C13orf42: variants seen among roughly 807,000 people sequenced by gnomAD.
C13orf42 encodes the protein uncharacterized protein C13orf42.
intron 1 of C13orf42, among the ~76,000 whole-genome samples, chr13:51,169,820 G>C (rs1953932510): frequency 6.6e-6 from 1 of 152,254 alleles, no homozygotes; most frequent in Non-Finnish European, 1.5e-5. Flanking sequence ...CAGAGGATGT[G>C]TGGAAATCCT....
At chr13:51,167,196 G>A (rs1483318710) in intron 1 of C13orf42, among the ~76,000 whole-genome samples, 2 of 152,106 alleles carry the variant, frequency 1.3e-5, no homozygotes, top group Non-Finnish European at 2.9e-5. Flanking sequence ...AAACCCATCA[G>A]TAGTTTGCTG....
At position 51,170,681 on chromosome 13, in the gene C13orf42, A is replaced by G. The variant is rs1300710324; in HGVS notation, n.136+1572T>C. Among the ~76,000 whole-genome samples the G allele has an allele frequency of 2.6e-5, 4 of 152,158 alleles. No homozygotes were observed. In the East Asian group the frequency reaches 7.7e-4, roughly 29 times the overall value. ...GCAGCCTTCCCCTTGGTGTTTAATC[A>G]TTGCAGGGACACCTCTCTGATTATA... On this transcript the variant is annotated intron_variant and non_coding_transcript_variant, in intron 1 of 4. Transcript: ENST00000433280.
At chr13:51,150,816 T>C (rs1380981069) in intron 1 of C13orf42, among the ~76,000 whole-genome samples, 1 of 152,204 alleles carries the variant, frequency 6.6e-6, no homozygotes, top group Non-Finnish European at 1.5e-5. Flanking sequence ...GTAAACTGAA[T>C]TCCTTGGTTC....
rs74814188 is a variant in C13orf42, at chr13:51,168,370, T to G, written n.136+3883A>C. ...TAACTGTTGTCCCTTCTCTCTCAAT[T>G]TCAGCTGAACAAATAGTTTCTCCAA... On this transcript the variant is annotated intron_variant and non_coding_transcript_variant, in intron 1 of 4. Coordinates refer to the C13orf42 transcript ENST00000433280. 5.0e-4 allele frequency among the ~76,000 whole-genome samples: 76 copies of G among 152,322 alleles called. No individual in the cohort carries two copies. In the East Asian group the frequency reaches 0.014, roughly 27 times the overall value.
At chr13:51,172,122 C>G (rs1262995528) in intron 1 of C13orf42, 1 of 152,200 alleles carries the variant, frequency 6.6e-6, no homozygotes, top group Admixed American at 6.5e-5. Flanking sequence ...CCAGAACCTC[C>G]TCCCACAGGA....
At chr13:51,129,917 T>TC (rs1953603640) in intron 1 of C13orf42, among the ~76,000 whole-genome samples, 1 of 152,192 alleles carries the variant, frequency 6.6e-6, no homozygotes, top group Non-Finnish European at 1.5e-5. Context: ...CCTCCTGTCT[T>TC]CTATGTCCTT....
chr13:51,164,426 T>C (rs1008753622), intron 1 of C13orf42, among the ~76,000 whole-genome samples: 2 of 152,168 alleles, frequency 1.3e-5, no homozygotes, highest in Admixed American at 6.5e-5. Flanking sequence ...CTTTGGGAAG[T>C]TGACGCGGGA....
intron 1 of C13orf42, among the ~76,000 whole-genome samples, chr13:51,121,883 T>A (rs996014726): frequency 6.6e-6 from 1 of 152,186 alleles, no homozygotes; most frequent in Non-Finnish European, 1.5e-5. Context: ...TACACTTGTA[T>A]AATGGAACAC....
At chr13:51,085,199 A>G in intron 3 of C13orf42, 120 bp downstream of exon 3, 1 of 231,758 alleles carries the variant, frequency 4.3e-6, no homozygotes. Flanking sequence ...ATATATATAT[A>G]TATATATATA....
upstream of C13orf42, among the ~76,000 whole-genome samples, chr13:51,115,380 C>G (rs1236626033): frequency 1.3e-5 from 2 of 152,204 alleles, no homozygotes; most frequent in African/African-American, 2.4e-5. Flanking sequence ...ACCAGGCACC[C>G]TGTCCCTTTC....
At position 51,083,555 on chromosome 13, in the gene C13orf42, C is replaced by G. The variant is rs1162929948; in HGVS notation, c.*596G>C. 1 of 152,218 alleles carries G rather than the reference C, an allele frequency of 6.6e-6. No individual in the cohort carries two copies. Among genetic ancestry groups the G allele is most frequent in the Non-Finnish European group, 1.5e-5 (1 of 68,044 alleles). 9.4% of individuals were successfully genotyped at this position (152,218 alleles called of 1,614,324 possible). A position where few individuals can be genotyped will look rare whatever the true frequency, so the allele number is the denominator to read the frequency against. On this transcript the variant is annotated 3_prime_UTR_variant, in exon 4 of 4. Transcript: ENST00000563710. ...CAGGCAGGCTCGTGACATACCCCTT[C>G]CCTCACCCCATTGCCAGGGCATTAG...
intron 1 of C13orf42, among the ~76,000 whole-genome samples, chr13:51,117,198 C>T (rs1953498814): frequency 1.3e-5 from 2 of 152,216 alleles, no homozygotes; most frequent in African/African-American, 4.8e-5. Context: ...TAAGAATAAG[C>T]TCCAAATTAT....
At chr13:51,110,087 T>C (rs892905704) in intron 1 of C13orf42, among the ~76,000 whole-genome samples, 8 of 152,238 alleles carry the variant, frequency 5.3e-5, no homozygotes, top group Non-Finnish European at 1.0e-4. Flanking sequence ...TCCGTGTCTA[T>C]GCCTGAGCCA....
chr13:51,161,284 C>T (rs1953862372), intron 1 of C13orf42, among the ~76,000 whole-genome samples: 1 of 151,722 alleles, frequency 6.6e-6, no homozygotes, highest in South Asian at 2.1e-4. Context: ...ACTAAGTATG[C>T]TGCTAAAGTG....
chr13:51,111,688 T>A (rs140961678), upstream of C13orf42, among the ~76,000 whole-genome samples: 626 of 152,308 alleles, frequency 4.1e-3, 10 homozygotes, highest in Admixed American at 0.022. Flanking sequence ...CGGTTCTGAA[T>A]TCTCTGAATC....
At chr13:51,144,862 C>T (rs181117239) in intron 1 of C13orf42, among the ~76,000 whole-genome samples, 13 of 152,216 alleles carry the variant, frequency 8.5e-5, no homozygotes, top group Non-Finnish European at 7.4e-5. Flanking sequence ...CCCATCAAAG[C>T]CAATTTAAAA....
chr13:51,111,852 C>T (rs997828211), upstream of C13orf42, among the ~76,000 whole-genome samples: 2 of 149,042 alleles, frequency 1.3e-5, no homozygotes, highest in Non-Finnish European at 3.0e-5. Flanking sequence ...TCTGAGCAGG[C>T]ATCTGAGCGT....
chr13:51,102,146 C>T (rs150892405), intron 1 of C13orf42, among the ~76,000 whole-genome samples: 2,509 of 152,220 alleles, frequency 0.016, 48 homozygotes, highest in Admixed American at 0.032. Context: ...CTATGTAAAC[C>T]AGACACTGGC....
chr13:51,132,168 C>T (rs758758628), intron 1 of C13orf42, among the ~76,000 whole-genome samples: 2 of 152,244 alleles, frequency 1.3e-5, no homozygotes, highest in South Asian at 4.2e-4. Flanking sequence ...AGCGGCCGGG[C>T]GCGGTGGCTC....
Sources: allele counts gnomAD v4.1 joint callset (sites outside exome capture counted in the v4.1 genomes callset), GRCh38; gene constraint gnomAD v4.1.1; transcripts MANE v1.5; gene names NCBI Gene and HGNC (gene_info 2026-07-23, HGNC 2026-07-21).